Variants in CPXM2 observed in about 807,000 individuals in gnomAD.
CPXM2 encodes carboxypeptidase X, M14 family member 2, also known as inactive carboxypeptidase-like protein X2.
In CPXM2, 66 loss-of-function variants were observed where a neutral mutation model predicts 86.1. That is an observed-to-expected ratio of 0.77 (90% CI 0.63 to 0.94). The LOEUF is 0.94. CPXM2 is among the 40% of genes least tolerant of loss of function. The pLI, the probability that CPXM2 is intolerant of heterozygous loss-of-function variation, is 0.00. For synonymous variants in CPXM2, 388 were observed against 400.2 expected (o/e 0.97, Z 0.36); for missense variants, 948 against 1,026.3 (o/e 0.92, Z 1.04).
At chr10:123,838,906 G>A (rs1011689441) in intron 4 of CPXM2, among the ~76,000 whole-genome samples, 1 of 152,164 alleles carries the variant, frequency 6.6e-6, no homozygotes, top group East Asian at 1.9e-4. Context: ...CTCCAGGGGT[G>A]TTCCTGTGAG....
chr10:123,768,450 C>A, intron 9 of CPXM2, 76 bp downstream of exon 9: 1 of 1,159,982 alleles, frequency 8.6e-7, no homozygotes, highest in Non-Finnish European at 1.2e-6. Context: ...TTTGCATAGC[C>A]CTAGGGCCAG....
At chr10:123,752,597 G>T in intron 13 of CPXM2, 2 of 985,316 alleles carry the variant, frequency 2.0e-6, no homozygotes, top group Non-Finnish European at 2.4e-6. Context: ...CTTCCTGGCA[G>T]GTGGAATGGG....
At chr10:123,827,118 C>A (rs934691514) in intron 4 of CPXM2, among the ~76,000 whole-genome samples, 1 of 152,116 alleles carries the variant, frequency 6.6e-6, no homozygotes, top group African/African-American at 2.4e-5. Context: ...CTATTTTAGG[C>A]CTCAGAAGAA....
intron 12 of CPXM2, 96 bp downstream of exon 12, chr10:123,757,117 G>A (rs1000918995): frequency 5.1e-6 from 6 of 1,170,814 alleles, no homozygotes; most frequent in Non-Finnish European, 5.0e-6. Context: ...GACGGCCAAG[G>A]TCTGAAGCTC....
rs2134251009 is a variant in CPXM2, at chr10:123,891,603, G to C, written c.57C>G (p.Thr19=). 6 of 1,520,988 alleles carry C rather than the reference G, an allele frequency of 3.9e-6. No homozygotes were observed. The highest frequency in any genetic ancestry group is 1.4e-5 in the African/African-American group (1 of 71,026). 94.2% of individuals were successfully genotyped at this position (1,520,988 alleles called of 1,614,324 possible). ...PALALVLLAV[T]LAGVGAQGAA... is the part of the protein sequence containing the mutation. ...CGCCCTGGGCTCCGACCCCGGCCAG[G>C]GTCACTGCCAGGAGCACCAGGGCCA... The change falls in exon 1 of 14, where the codon ACC becomes ACG. Residue 19 remains threonine (T), a synonymous_variant. Coordinates refer to ENST00000241305, the MANE Select transcript of CPXM2 (RefSeq NM_198148.3). This position sits in a 1 kb window ranked among gnomAD's most constrained non-coding sequence, Gnocchi z 5.6.
chr10:123,917,444 C>A (rs142718599), intron 2 of CPXM2, among the ~76,000 whole-genome samples: 26 of 152,316 alleles, frequency 1.7e-4, no homozygotes, highest in Non-Finnish European at 3.4e-4. Flanking sequence ...GCGGACAGAA[C>A]CTTCCTTCCA....
chr10:123,877,413 G>A (rs565245405), intron 2 of CPXM2, among the ~76,000 whole-genome samples: 1 of 152,338 alleles, frequency 6.6e-6, no homozygotes, highest in East Asian at 1.9e-4. Flanking sequence ...ACTTTCAGGT[G>A]TCTGTAGATT....
chr10:123,882,553 T>A (rs1427312131), intron 1 of CPXM2, among the ~76,000 whole-genome samples: 1 of 152,114 alleles, frequency 6.6e-6, no homozygotes, highest in Non-Finnish European at 1.5e-5. Context: ...AAGAAAAAAA[T>A]TTCACAAAAT....
At chr10:123,929,216 T>A (rs1478257481) in intron 2 of CPXM2, among the ~76,000 whole-genome samples, 1 of 152,212 alleles carries the variant, frequency 6.6e-6, no homozygotes, top group Non-Finnish European at 1.5e-5. Context: ...GTGGCCACAG[T>A]TAGGGACCTG....
At chr10:123,930,033 C>G (rs1434753516) in intron 2 of CPXM2, among the ~76,000 whole-genome samples, 4 of 152,236 alleles carry the variant, frequency 2.6e-5, no homozygotes, top group African/African-American at 7.2e-5. Context: ...TGGGCCATCT[C>G]TGTCCCCTGA....
intron 4 of CPXM2, among the ~76,000 whole-genome samples, chr10:123,816,751 C>T (rs1486450744): frequency 6.6e-6 from 1 of 152,244 alleles, no homozygotes; most frequent in Non-Finnish European, 1.5e-5. Context: ...CAGCAATATA[C>T]CTTTACTGTC....
chr10:123,805,166 T>C (rs2134081366), intron 4 of CPXM2, among the ~76,000 whole-genome samples: 1 of 152,162 alleles, frequency 6.6e-6, no homozygotes, highest in African/African-American at 2.4e-5. Context: ...TTCAGCTCTG[T>C]ATCATGTCAA....
At chr10:123,863,802 C>A (rs962789606) in intron 2 of CPXM2, among the ~76,000 whole-genome samples, 7 of 152,214 alleles carry the variant, frequency 4.6e-5, no homozygotes, top group Non-Finnish European at 1.0e-4. Context: ...AATCCCACAC[C>A]CCGTCACTCT....
chr10:123,798,076 G>A lies in CPXM2; in HGVS notation c.789C>T (p.Pro263=), dbSNP rs141382056. Residue 263 remains proline (P), a synonymous_variant, in exon 6 of 14, where the codon CCC becomes CCT. Coordinates refer to ENST00000241305, the MANE Select transcript of CPXM2 (RefSeq NM_198148.3). ...GGATGTAGCGGGCCACCATGGGGAC[G>A]GGTAGCTCATTGAGAACAGGGATCT... ...EKEIPVLNEL[P]VPMVARYIRI... is the part of the protein sequence containing the mutation. 4.8e-5 allele frequency: 78 copies of A among 1,611,270 alleles called. No homozygotes were observed. The African/African-American group carries it at 5.5e-4, about 11-fold the overall frequency.
chr10:123,869,044 T>C lies in CPXM2; in HGVS notation c.404-6321A>G, dbSNP rs549017934. On this transcript the variant is annotated intron_variant, in intron 2 of 13. Coordinates refer to ENST00000241305, the MANE Select transcript of CPXM2 (RefSeq NM_198148.3). The stretch of plus-strand genomic sequence containing the variant: ...AAGACGGGAGTGTTGCATAGGTGAC[T>C]AAGAAAAACGGAGGAGAAGCAAGGT... Among the ~76,000 whole-genome samples, 10 of 152,290 alleles carry C rather than the reference T, an allele frequency of 6.6e-5. No individual in the cohort carries two copies. The South Asian group carries it at 2.1e-3, about 32-fold the overall frequency.
At chr10:123,881,260 T>TCCCTCACCTC (rs1945088299) in intron 1 of CPXM2, among the ~76,000 whole-genome samples, 1 of 45,590 alleles carries the variant, frequency 2.2e-5, no homozygotes, top group Non-Finnish European at 4.6e-5. Context: ...TCCCTTCCCT[T>TCCCTCACCTC]CCCTTTACGC....
intron 2 of CPXM2, among the ~76,000 whole-genome samples, chr10:123,932,126 G>A (rs1236764851): frequency 6.6e-6 from 1 of 152,162 alleles, no homozygotes; most frequent in Non-Finnish European, 1.5e-5. Context: ...TTCAAGCAAA[G>A]ACTGGTGGCC....
intron 2 of CPXM2, among the ~76,000 whole-genome samples, chr10:123,902,319 C>T (rs1294607023): frequency 6.6e-6 from 1 of 152,174 alleles, no homozygotes; most frequent in Non-Finnish European, 1.5e-5. Context: ...CTAGAGCAGG[C>T]TGACCTCACC....
chr10:123,789,314 T>A (rs536674211), intron 6 of CPXM2, among the ~76,000 whole-genome samples: 1 of 152,330 alleles, frequency 6.6e-6, no homozygotes, highest in African/African-American at 2.4e-5. Context: ...ACCTCTGTGC[T>A]TATTCACTCA....
Sources: allele counts gnomAD v4.1 joint callset (sites outside exome capture counted in the v4.1 genomes callset), GRCh38; gene constraint gnomAD v4.1.1; non-coding constraint Gnocchi (gnomAD v3.1); transcripts MANE v1.5; gene names NCBI Gene and HGNC (gene_info 2026-07-23, HGNC 2026-07-21).